The following OR51B5 variants were observed in gnomAD, a reference collection of about 807,000 sequenced individuals.
OR51B5 encodes the protein olfactory receptor 51B5.
For synonymous variants in OR51B5, 186 were observed against 144.8 expected, an observed-to-expected ratio of 1.28 and a Z score of -2.04; for missense variants, 456 against 374.6, an observed-to-expected ratio of 1.22 and a Z score of -1.79.
chr11:5,413,409 A>C (rs1268124851), intron 1 of OR51B5, among the ~76,000 whole-genome samples: 1 of 152,258 alleles, frequency 6.6e-6, no homozygotes, highest in Non-Finnish European at 1.5e-5. Context: ...GCAGTTCTTC[A>C]CCAGCAATGC....
chr11:5,435,377 AAT>A (rs1380059079), intron 1 of OR51B5, among the ~76,000 whole-genome samples: 4 of 152,150 alleles, frequency 2.6e-5, no homozygotes, highest in African/African-American at 7.2e-5. Flanking sequence ...TTGCTCATGG[AAT>A]ATGTTATTTT....
intron 1 of OR51B5, among the ~76,000 whole-genome samples, chr11:5,387,139 CAT>C (rs1054391966): frequency 2.6e-5 from 4 of 151,972 alleles, no homozygotes; most frequent in African/African-American, 4.8e-5. Flanking sequence ...AACTGAATAA[CAT>C]AAATATTTGA....
At chr11:5,446,204 G>C (rs1377573955) in intron 1 of OR51B5, among the ~76,000 whole-genome samples, 1 of 151,898 alleles carries the variant, frequency 6.6e-6, no homozygotes, top group Non-Finnish European at 1.5e-5. Context: ...GTATACATAT[G>C]TAACAAACCT....
At chr11:5,500,914 C>T (rs1268493264) in intron 1 of OR51B5, among the ~76,000 whole-genome samples, 1 of 148,306 alleles carries the variant, frequency 6.7e-6, no homozygotes, top group Non-Finnish European at 1.5e-5. Flanking sequence ...ATTTGGGAAG[C>T]TTGTCTCTCT....
At chr11:5,479,873 T>A (rs1590020753) in intron 1 of OR51B5, among the ~76,000 whole-genome samples, 1 of 139,442 alleles carries the variant, frequency 7.2e-6, no homozygotes, top group East Asian at 2.1e-4. Flanking sequence ...AAGTCCTGAG[T>A]GACCTACAAA....
chr11:5,367,542 C>T (rs374168637), intron 1 of OR51B5, among the ~76,000 whole-genome samples: 1 of 152,302 alleles, frequency 6.6e-6, no homozygotes, highest in East Asian at 1.9e-4. Flanking sequence ...GCAGTGAGGA[C>T]TACCAGAGGT....
At chr11:5,380,272 T>C (rs1849590412) in intron 1 of OR51B5, among the ~76,000 whole-genome samples, 1 of 152,152 alleles carries the variant, frequency 6.6e-6, no homozygotes, top group South Asian at 2.1e-4. Flanking sequence ...CACACACAGA[T>C]GCAGGTGTCC....
intron 1 of OR51B5, among the ~76,000 whole-genome samples, chr11:5,349,364 T>C (rs779677341): frequency 1.3e-5 from 2 of 152,164 alleles, no homozygotes; most frequent in East Asian, 1.9e-4. Flanking sequence ...CATACATTTG[T>C]TTCTCAGCTT....
chr11:5,492,214 C>G (rs1411259100), intron 1 of OR51B5, among the ~76,000 whole-genome samples: 1 of 152,064 alleles, frequency 6.6e-6, no homozygotes, highest in Admixed American at 6.6e-5. Flanking sequence ...CCCACCAAGT[C>G]TGTCTCTCTC....
chr11:5,357,193 G>C (rs950716776), intron 1 of OR51B5, among the ~76,000 whole-genome samples: 6 of 152,080 alleles, frequency 3.9e-5, no homozygotes, highest in Non-Finnish European at 7.4e-5. Flanking sequence ...ATTAGATAAA[G>C]AGTCAAGACC....
chr11:5,343,546 T>TC (rs1848939929), upstream of OR51B5: 2 of 727,362 alleles, frequency 2.7e-6, no homozygotes, highest in Middle Eastern at 2.7e-4. Context: ...ATAGAAGAAA[T>TC]GTCTTTCTGT....
At chr11:5,399,570 CT>C (rs1033018542) in intron 1 of OR51B5, among the ~76,000 whole-genome samples, 3 of 152,112 alleles carry the variant, frequency 2.0e-5, no homozygotes, top group Non-Finnish European at 4.4e-5. Context: ...CCACATTCTA[CT>C]TTTTTTCTGA....
At chr11:5,473,654 GAATT>G (rs998327759) in intron 1 of OR51B5, among the ~76,000 whole-genome samples, 5 of 151,968 alleles carry the variant, frequency 3.3e-5, no homozygotes, top group African/African-American at 4.8e-5. Context: ...AAGCAATATG[GAATT>G]ATTTAATGGA....
At chr11:5,449,469 A>T (rs1438847489) in intron 1 of OR51B5, 1 of 152,472 alleles carries the variant, frequency 6.6e-6, no homozygotes, top group African/African-American at 2.4e-5. Context: ...AGTGGAAGAG[A>T]CTGGTGGAGG....
At chr11:5,434,379 C>A (rs921158394) in intron 1 of OR51B5, among the ~76,000 whole-genome samples, 2 of 152,308 alleles carry the variant, frequency 1.3e-5, no homozygotes, top group Admixed American at 1.3e-4. Context: ...CTAGACCACT[C>A]AGCATCCTGA....
chr11:5,379,289 C>T (rs1004393293), intron 1 of OR51B5, among the ~76,000 whole-genome samples: 1 of 151,786 alleles, frequency 6.6e-6, no homozygotes, highest in African/African-American at 2.4e-5. Context: ...GGAAGGGGAA[C>T]ATCACACTCT....
chr11:5,340,319 CAGAGATTTGA>C (rs1342555441), downstream of OR51B5: 14 of 152,196 alleles, frequency 9.2e-5, no homozygotes, highest in South Asian at 2.1e-3. Flanking sequence ...AACATGGAAT[CAGAGATTTGA>C]AGATTCTTTT....
chr11:5,428,162 A>C (rs1850477674), intron 1 of OR51B5, among the ~76,000 whole-genome samples: 1 of 147,600 alleles, frequency 6.8e-6, no homozygotes. Flanking sequence ...CAACAAGTAA[A>C]TTTATCATAA....
rs72878135 is a variant in OR51B5, at chr11:5,398,301, T to A, written n.85-51391A>T. ...ATTTCACAAAGATACTGACTCTATA[T>A]CTTTGCTTGTTTCCCTTAGGTTCTC... On this transcript the variant is annotated intron_variant and non_coding_transcript_variant, in intron 1 of 4. Transcript: ENST00000415970. 5.3e-3 allele frequency among the ~76,000 whole-genome samples: 812 copies of A among 152,322 alleles called. 4 individuals are homozygous for A. Among genetic ancestry groups the A allele is most frequent in the Non-Finnish European group, 8.7e-3 (593 of 68,028 alleles).
Sources: allele counts gnomAD v4.1 joint callset (sites outside exome capture counted in the v4.1 genomes callset), GRCh38; gene constraint gnomAD v4.1.1; transcripts MANE v1.5; gene names NCBI Gene and HGNC (gene_info 2026-07-23, HGNC 2026-07-21).